Variants in MERTK observed in about 807,000 individuals in gnomAD.
The protein encoded by MERTK is tyrosine-protein kinase Mer.
A neutral mutation model predicts 99.3 loss-of-function variants in MERTK; 69 were observed. That is an observed-to-expected ratio of 0.70 (90% CI 0.57 to 0.85). The LOEUF is 0.85. Ranked by LOEUF, MERTK falls within the 40% of genes least tolerant of loss-of-function variation. MERTK has a pLI of 0.00. For missense variants in MERTK, 1,125 were observed against 1,249.4 expected (o/e 0.90, Z 1.50); for synonymous variants, 426 against 467.6 (o/e 0.91, Z 1.15).
chr2:111,918,464 C>T (rs1189998052), intron 1 of MERTK, among the ~76,000 whole-genome samples: 1 of 151,912 alleles, frequency 6.6e-6, no homozygotes, highest in Non-Finnish European at 1.5e-5. Context: ...AGTTGGGCCT[C>T]CGGCAGTATC....
At chr2:111,985,891 A>G (rs1676470256) in intron 8 of MERTK, among the ~76,000 whole-genome samples, 1 of 152,196 alleles carries the variant, frequency 6.6e-6, no homozygotes, top group Non-Finnish European at 1.5e-5. Context: ...TGGTATCTAT[A>G]TGGAGCATCA....
At chr2:111,934,232 A>C (rs1458394668) in intron 2 of MERTK, among the ~76,000 whole-genome samples, 1 of 152,218 alleles carries the variant, frequency 6.6e-6, no homozygotes, top group African/African-American at 2.4e-5. Flanking sequence ...CTTTGGGTAT[A>C]TACCCAGTAA....
chr2:111,968,319 C>G, intron 6 of MERTK, 67 bp downstream of exon 6: 1 of 1,328,476 alleles, frequency 7.5e-7, no homozygotes, highest in Non-Finnish European at 1.1e-6. Flanking sequence ...GATTTTTCTT[C>G]CTTCCAAGGA....
At chr2:111,969,241 C>CG (rs1676030322) in intron 6 of MERTK, among the ~76,000 whole-genome samples, 1 of 152,280 alleles carries the variant, frequency 6.6e-6, no homozygotes, top group South Asian at 2.1e-4. Flanking sequence ...GCACTGCAGG[C>CG]TCAGAGTACT....
intron 11 of MERTK, among the ~76,000 whole-genome samples, chr2:112,001,508 G>A (rs927117216): frequency 6.6e-6 from 1 of 152,176 alleles, no homozygotes; most frequent in Non-Finnish European, 1.5e-5. Flanking sequence ...GGGGTTAAAA[G>A]GACTCACAAT....
intron 6 of MERTK, 88 bp downstream of exon 6, chr2:111,968,340 G>GAAAT: frequency 2.8e-6 from 3 of 1,056,526 alleles, no homozygotes; most frequent in Non-Finnish European, 4.4e-6. Flanking sequence ...TGGGCATGGA[G>GAAAT]GGCATTTCTC....
rs1677351672 is a variant in MERTK, at chr2:112,021,575, T to G, written c.2343T>G (p.Ser781Arg). The G allele has an allele frequency of 6.2e-7, 1 of 1,612,168 alleles. No homozygotes were observed. Among genetic ancestry groups the G allele is most frequent in the African/African-American group, 1.3e-5 (1 of 74,856 alleles). Reference protein sequence around the residue: ...SLADRVYTSKSDVWAFGVTMW... With the variant: ...SLADRVYTSKRDVWAFGVTMW... ...CAGACCGAGTCTACACAAGTAAAAG[T>G]GATGTGGTATGTACACAGCTTTGAT... The change falls in exon 17 of 19, where the codon AGT becomes AGG. Residue 781 changes from serine (S) to arginine (R), a missense_variant. Ser to Arg is a moderately radical substitution (Grantham distance 110, BLOSUM62 -1). Coordinates refer to ENST00000295408, the MANE Select transcript of MERTK (RefSeq NM_006343.3).
intron 1 of MERTK, among the ~76,000 whole-genome samples, chr2:111,901,574 TTG>T (rs1684044075): frequency 6.6e-6 from 1 of 150,892 alleles, no homozygotes; most frequent in Non-Finnish European, 1.5e-5. Flanking sequence ...TTTTTTTTTT[TTG>T]GCAGGTTCTC....
intron 15 of MERTK, among the ~76,000 whole-genome samples, chr2:112,016,665 C>T (rs187373585): frequency 1.3e-3 from 195 of 152,302 alleles, no homozygotes; most frequent in African/African-American, 4.6e-3. Flanking sequence ...AGACATGACC[C>T]CCAGTTCTCA....
At chr2:112,011,853 A>C (rs931999720) in intron 15 of MERTK, among the ~76,000 whole-genome samples, 1 of 152,242 alleles carries the variant, frequency 6.6e-6, no homozygotes, top group Non-Finnish European at 1.5e-5. Context: ...TGGAGGGAAC[A>C]TGACAGATGT....
chr2:111,921,897 G>C (rs1171088000), intron 1 of MERTK, among the ~76,000 whole-genome samples: 1 of 152,164 alleles, frequency 6.6e-6, no homozygotes, highest in Non-Finnish European at 1.5e-5. Context: ...TCTTGAGTTT[G>C]AGGCTGAACT....
intron 6 of MERTK, among the ~76,000 whole-genome samples, chr2:111,974,769 C>CAAAAAAAAAAAAAAAAAAAAAAAA (rs35594851): frequency 3.7e-5 from 2 of 53,378 alleles, no homozygotes; most frequent in African/African-American, 7.3e-5. Flanking sequence ...AGGTCCATCT[C>CAAAAAAAAAAAAAAAAAAAAAAAA]AAAAAAAAAA....
At chr2:111,912,382 T>A (rs1458153707) in intron 1 of MERTK, among the ~76,000 whole-genome samples, 1 of 152,152 alleles carries the variant, frequency 6.6e-6, no homozygotes, top group East Asian at 1.9e-4. Context: ...AACATTATTC[T>A]TTTCTATTGT....
Position 111,997,362 on chromosome 2 carries a change from G to A in MERTK, c.1490G>A (p.Gly497Asp). ...GCCCCCTCTTCAACTCCGGCGCCTG[G>A]CAACGCAGATCCTGTGCTCATCATC... ...DYAPSSTPAP[G>D]NADPVLIIFG... is the part of the protein sequence containing the mutation. The change falls in exon 10 of 19, where the codon GGC becomes GAC. Residue 497 changes from glycine to aspartate, a missense_variant. Transcript: ENST00000295408. 4 of 1,614,096 alleles carry A rather than the reference G, an allele frequency of 2.5e-6. No individual in the cohort carries two copies. The East Asian group carries it at 8.9e-5, about 36-fold the overall frequency.
chr2:112,001,337 C>A (rs749961237), intron 11 of MERTK, 51 bp downstream of exon 11: 1 of 1,376,884 alleles, frequency 7.3e-7, no homozygotes, highest in Non-Finnish European at 1.0e-6. Flanking sequence ...TAGTTGAGAA[C>A]AAAGAAGGAT....
chr2:111,981,316 G>T (rs1676366856), intron 7 of MERTK, among the ~76,000 whole-genome samples: 1 of 152,092 alleles, frequency 6.6e-6, no homozygotes, highest in Non-Finnish European at 1.5e-5. Flanking sequence ...TTTACAATCT[G>T]ATTTTTCCCC....
chr2:112,010,351 C>T (rs1003407661), intron 15 of MERTK: 3 of 383,762 alleles, frequency 7.8e-6, no homozygotes, highest in African/African-American at 4.2e-5. Flanking sequence ...TGGTTCTGCA[C>T]TTCACAACCC....
At chr2:111,955,138 G>C (rs1008171682) in intron 4 of MERTK, among the ~76,000 whole-genome samples, 1 of 152,138 alleles carries the variant, frequency 6.6e-6, no homozygotes, top group Non-Finnish European at 1.5e-5. Flanking sequence ...TCTACTGAGG[G>C]AATGCTAAGT....
At chr2:111,974,974 G>A (rs1558793116) in intron 6 of MERTK, among the ~76,000 whole-genome samples, 1 of 152,092 alleles carries the variant, frequency 6.6e-6, no homozygotes, top group South Asian at 2.1e-4. Flanking sequence ...AATCGAAGAG[G>A]TTCTAAGAGA....
Sources: allele counts gnomAD v4.1 joint callset (sites outside exome capture counted in the v4.1 genomes callset), GRCh38; gene constraint gnomAD v4.1.1; transcripts MANE v1.5; gene names NCBI Gene and HGNC (gene_info 2026-07-23, HGNC 2026-07-21).